The following RNF34 variants were observed in gnomAD, a reference collection of about 807,000 sequenced individuals.
RNF34 encodes the protein E3 ubiquitin-protein ligase RNF34.
In RNF34, 12 loss-of-function variants were observed where a neutral mutation model predicts 37.9. That is an observed-to-expected ratio of 0.32 (90% CI 0.20 to 0.51). The LOEUF (loss-of-function observed/expected upper bound fraction) is 0.51, where lower values mean the gene tolerates loss of function less well. RNF34 is among the 20% of genes least tolerant of loss of function. RNF34 has a pLI of 0.97. For synonymous variants in RNF34, 155 were observed against 177.2 expected, an observed-to-expected ratio of 0.87 and a Z score of 1.00; for missense variants, 362 against 472.7, an observed-to-expected ratio of 0.77 and a Z score of 2.17.
At chr12:121,402,689 G>A in intron 1 of RNF34, 2 of 1,164,400 alleles carry the variant, frequency 1.7e-6, no homozygotes, top group East Asian at 4.8e-5. Context: ...GAGATATCAA[G>A]GAGAAAGTAA....
At chr12:121,415,785 G>T (rs1309662835) in intron 1 of RNF34, among the ~76,000 whole-genome samples, 1 of 147,550 alleles carries the variant, frequency 6.8e-6, no homozygotes, top group Non-Finnish European at 1.5e-5. Context: ...GAAAAACAAA[G>T]AATTTTTAGT....
intron 1 of RNF34, among the ~76,000 whole-genome samples, chr12:121,400,752 C>T (rs1327858460): frequency 6.6e-6 from 1 of 152,098 alleles, no homozygotes; most frequent in Non-Finnish European, 1.5e-5. Flanking sequence ...ACGTCGGGGC[C>T]GCGAACTAGA....
chr12:121,412,786 G>A (rs12815395), intron 1 of RNF34, among the ~76,000 whole-genome samples: 4 of 148,980 alleles, frequency 2.7e-5, no homozygotes, highest in Non-Finnish European at 4.4e-5. Context: ...GTGCAGTGGC[G>A]TGATCTCGGC....
At chr12:121,416,830 T>C (rs1189963982) in intron 2 of RNF34, among the ~76,000 whole-genome samples, 1 of 152,236 alleles carries the variant, frequency 6.6e-6, no homozygotes, top group African/African-American at 2.4e-5. Context: ...TTCACTAAGA[T>C]GGAAAGTCAT....
chr12:121,411,561 C>T (rs1275643202), intron 1 of RNF34, among the ~76,000 whole-genome samples: 1 of 152,156 alleles, frequency 6.6e-6, no homozygotes, highest in Non-Finnish European at 1.5e-5. Flanking sequence ...TCTGACAGTG[C>T]TGCTTTTAAA....
At chr12:121,420,804 C>G in intron 5 of RNF34, 26 bp downstream of exon 5, 2 of 1,567,340 alleles carry the variant, frequency 1.3e-6, no homozygotes, top group South Asian at 2.2e-5. Flanking sequence ...CATTTTTTCC[C>G]TGTAGTATTT....
intron 3 of RNF34, 25 bp from the exon 4 acceptor site, chr12:121,420,217 A>C (rs1555283002): frequency 6.2e-7 from 1 of 1,606,080 alleles, no homozygotes; most frequent in South Asian, 1.1e-5. Context: ...TTCCTGACCT[A>C]ATCAGATACG....
At chr12:121,420,386 G>A (rs782224901) in intron 4 of RNF34, 52 bp downstream of exon 4, 1 of 1,554,116 alleles carries the variant, frequency 6.4e-7, no homozygotes, top group Non-Finnish European at 8.7e-7. Flanking sequence ...CTGACAGGAA[G>A]GGACAGTGCC....
chr12:121,411,745 A>G (rs560873975), intron 1 of RNF34, among the ~76,000 whole-genome samples: 1 of 152,342 alleles, frequency 6.6e-6, no homozygotes, highest in East Asian at 1.9e-4. Context: ...GAGAAAAAGA[A>G]GTTTTTGTCC....
At chr12:121,403,688 G>A (rs911860039) in intron 1 of RNF34, among the ~76,000 whole-genome samples, 4 of 152,086 alleles carry the variant, frequency 2.6e-5, no homozygotes, top group Non-Finnish European at 4.4e-5. Context: ...GAACAGTATC[G>A]CTCCTTGGTC....
intron 1 of RNF34, among the ~76,000 whole-genome samples, chr12:121,413,377 A>C (rs923039659): frequency 4.7e-5 from 7 of 149,084 alleles, no homozygotes; most frequent in Non-Finnish European, 7.4e-5. Flanking sequence ...GAGGTATATA[A>C]TCATTTAAAG....
chr12:121,406,448 G>A (rs2136904151), intron 1 of RNF34, among the ~76,000 whole-genome samples: 1 of 151,740 alleles, frequency 6.6e-6, no homozygotes, highest in African/African-American at 2.4e-5. Flanking sequence ...CACCACGCCT[G>A]ACTAATTTTT....
At chr12:121,413,719 A>C (rs1488703698) in intron 1 of RNF34, among the ~76,000 whole-genome samples, 1 of 151,580 alleles carries the variant, frequency 6.6e-6, no homozygotes, top group East Asian at 1.9e-4. Flanking sequence ...CTGGGACTAC[A>C]GGCCCCACCA....
intron 3 of RNF34, 130 bp downstream of exon 3, chr12:121,418,041 A>C (rs1219755678): frequency 3.1e-6 from 3 of 982,898 alleles, no homozygotes; most frequent in African/African-American, 1.6e-5. Context: ...TTCCACACCC[A>C]GCTGAACTCT....
intron 1 of RNF34, among the ~76,000 whole-genome samples, chr12:121,402,333 A>C (rs1870072511): frequency 6.6e-6 from 1 of 152,204 alleles, no homozygotes; most frequent in Non-Finnish European, 1.5e-5. Flanking sequence ...AAAAATAAAC[A>C]AGAAAAGCTA....
chr12:121,403,228 C>T (rs555316463), intron 1 of RNF34, among the ~76,000 whole-genome samples: 12 of 152,136 alleles, frequency 7.9e-5, no homozygotes, highest in African/African-American at 2.4e-4. Context: ...AACCCTGTCT[C>T]TACTAAAAAT....
intron 4 of RNF34, 91 bp downstream of exon 4, chr12:121,420,425 A>G: frequency 6.4e-7 from 1 of 1,551,264 alleles, no homozygotes; most frequent in South Asian, 1.2e-5. Flanking sequence ...TTAGTACAGG[A>G]TGTTTCTTCT....
intron 1 of RNF34, among the ~76,000 whole-genome samples, chr12:121,400,920 T>G (rs186646962): frequency 1.1e-3 from 165 of 152,238 alleles, no homozygotes; most frequent in African/African-American, 3.9e-3. Context: ...TTCTGAGAGA[T>G]GATTCTCAAC....
Position 121,420,608 on chromosome 12 carries a change from C to T in RNF34, c.758C>T (p.Ala253Val). Residue 253 changes from alanine to valine, a missense_variant, in exon 5 of 6, where the codon GCT becomes GTT. By Grantham distance (64) the Ala-to-Val change is moderately conservative (BLOSUM62 0). Coordinates refer to ENST00000361234, the MANE Select transcript of RNF34 (RefSeq NM_025126.4). ...NPGLSKERVR[A>V]SLSDLSSLDD... ...GGGCTCTCCAAGGAGAGAGTGAGAG[C>T]TTCACTGTCTGACTTGTCAAGCCTT... 6.2e-7 allele frequency: 1 copy of T among 1,614,154 alleles called. No individual in the cohort carries two copies. Among genetic ancestry groups the T allele is most frequent in the Non-Finnish European group, 8.5e-7 (1 of 1,180,032 alleles).
Sources: gnomAD v4.1 joint callset for allele counts (sites outside exome capture counted in the v4.1 genomes callset) on GRCh38, gnomAD v4.1.1 for gene constraint, MANE v1.5 for transcripts, NCBI Gene and HGNC (gene_info 2026-07-23, HGNC 2026-07-21) for gene names.